The following ASTN2 variants were observed in gnomAD, a reference collection of about 807,000 sequenced individuals.
ASTN2 encodes the protein astrotactin-2.
A neutral mutation model predicts 139.8 loss-of-function variants in ASTN2; 54 were observed. The ratio of observed to expected loss-of-function variants is 0.39; its 90% CI spans 0.31 to 0.48. ASTN2 has a LOEUF of 0.48. ASTN2 is among the 20% of genes least tolerant of loss of function. The pLI, the probability that ASTN2 is intolerant of heterozygous loss-of-function variation, is 0.95. For synonymous variants in ASTN2, 756 were observed against 719.5 expected (o/e 1.05, Z -0.81); for missense variants, 1,565 against 1,725.1 (o/e 0.91, Z 1.64).
At chr9:116,759,405 A>G (rs1339587082) in intron 13 of ASTN2, among the ~76,000 whole-genome samples, 1 of 152,184 alleles carries the variant, frequency 6.6e-6, no homozygotes, top group Non-Finnish European at 1.5e-5. Flanking sequence ...TTCGCAATTT[A>G]CCTATGAGGG....
At chr9:117,263,151 C>T (rs191914547) in intron 2 of ASTN2, among the ~76,000 whole-genome samples, 22 of 152,132 alleles carry the variant, frequency 1.4e-4, no homozygotes, top group Non-Finnish European at 2.9e-4. Flanking sequence ...AATTATAGTT[C>T]GCCCAGATAC....
At chr9:117,238,794 G>A (rs1833121447) in intron 2 of ASTN2, among the ~76,000 whole-genome samples, 2 of 152,166 alleles carry the variant, frequency 1.3e-5, no homozygotes, top group Non-Finnish European at 2.9e-5. Context: ...AAGTTGGCTA[G>A]TAAGTGTGTG....
chr9:116,859,828 G>T (rs1440655317), intron 11 of ASTN2, among the ~76,000 whole-genome samples: 2 of 152,210 alleles, frequency 1.3e-5, no homozygotes, highest in Non-Finnish European at 2.9e-5. Flanking sequence ...TCCCCACTGT[G>T]AAAACAGCCA....
chr9:116,847,351 T>A (rs1320719115), intron 11 of ASTN2, among the ~76,000 whole-genome samples: 1 of 152,130 alleles, frequency 6.6e-6, no homozygotes, highest in Non-Finnish European at 1.5e-5. Context: ...CTTGACCTTG[T>A]GATCTACCCG....
intron 1 of ASTN2, among the ~76,000 whole-genome samples, chr9:117,348,830 C>T (rs1829303077): frequency 6.6e-6 from 1 of 150,604 alleles, no homozygotes; most frequent in Non-Finnish European, 1.5e-5. Context: ...TAACAGATCT[C>T]CTAATTCATT....
chr9:116,502,157 GTA>G (rs1491200385), intron 19 of ASTN2, among the ~76,000 whole-genome samples: 1 of 150,452 alleles, frequency 6.6e-6, no homozygotes, highest in Non-Finnish European at 1.5e-5. Flanking sequence ...GTGTGTGTGT[GTA>G]TGTGTATGCA....
chr9:116,713,095 G>T (rs1828214387), intron 16 of ASTN2, among the ~76,000 whole-genome samples: 1 of 152,192 alleles, frequency 6.6e-6, no homozygotes, highest in Middle Eastern at 3.4e-3. Flanking sequence ...AATCCTGTTT[G>T]AGTCCTAATA....
chr9:116,946,936 C>CAAAAAAAAAAAAAAAAAAAAAAAAA (rs3983292), intron 10 of ASTN2, among the ~76,000 whole-genome samples: 41 of 127,898 alleles, frequency 3.2e-4, no homozygotes, highest in African/African-American at 1.3e-3. Context: ...ACATTTTTGT[C>CAAAAAAAAAAAAAAAAAAAAAAAAA]AAAAAAAAAA....
intron 11 of ASTN2, among the ~76,000 whole-genome samples, chr9:116,832,004 T>A (rs1001052919): frequency 6.6e-6 from 1 of 152,206 alleles, no homozygotes; most frequent in African/African-American, 2.4e-5. Context: ...CAGATTTGCA[T>A]CTGAGTATTT....
At chr9:117,336,223 T>C (rs1828880052) in intron 1 of ASTN2, among the ~76,000 whole-genome samples, 1 of 152,142 alleles carries the variant, frequency 6.6e-6, no homozygotes, top group Admixed American at 6.5e-5. Context: ...ATGAGCACAC[T>C]GGTGCACAGC....
intron 6 of ASTN2, among the ~76,000 whole-genome samples, chr9:117,029,774 A>G (rs914242015): frequency 6.6e-6 from 1 of 152,024 alleles, no homozygotes. Flanking sequence ...TTAACTATCT[A>G]TCTTCCTTCT....
intron 13 of ASTN2, among the ~76,000 whole-genome samples, chr9:116,767,276 C>T (rs923718506): frequency 1.3e-5 from 2 of 152,158 alleles, no homozygotes; most frequent in African/African-American, 4.8e-5. Context: ...TAGGTACCCT[C>T]CACACAGGCT....
At chr9:116,511,294 C>T (rs1564330907) in intron 19 of ASTN2, among the ~76,000 whole-genome samples, 1 of 152,040 alleles carries the variant, frequency 6.6e-6, no homozygotes, top group Non-Finnish European at 1.5e-5. Context: ...TGTTTATATG[C>T]TGGATTATGT....
intron 2 of ASTN2, among the ~76,000 whole-genome samples, chr9:117,247,636 C>T (rs1051884822): frequency 8.5e-5 from 13 of 152,218 alleles, no homozygotes; most frequent in African/African-American, 2.9e-4. Context: ...CATCCAGCAC[C>T]AGCAGCTCCT....
At chr9:117,409,741 TCCTCCTGCTTCAG>T (rs904010214) in intron 1 of ASTN2, among the ~76,000 whole-genome samples, 1 of 152,184 alleles carries the variant, frequency 6.6e-6, no homozygotes, top group African/African-American at 2.4e-5. Flanking sequence ...GCATAAGTGA[TCCTCCTGCTTCAG>T]CCTCCCAAGT....
chr9:116,492,567 G>C (rs954099243), intron 19 of ASTN2, among the ~76,000 whole-genome samples: 1 of 152,110 alleles, frequency 6.6e-6, no homozygotes, highest in African/African-American at 2.4e-5. Flanking sequence ...TTGACTCCTG[G>C]AGTCTCGGAG....
intron 19 of ASTN2, among the ~76,000 whole-genome samples, chr9:116,581,590 C>A (rs1853955545): frequency 6.6e-6 from 1 of 152,168 alleles, no homozygotes; most frequent in Non-Finnish European, 1.5e-5. Context: ...TCCTCATATC[C>A]AATTGTCTTG....
chr9:116,448,186 T>C (rs1259530243), intron 20 of ASTN2, among the ~76,000 whole-genome samples: 6 of 152,036 alleles, frequency 3.9e-5, no homozygotes, highest in Non-Finnish European at 8.8e-5. Context: ...AACAGATGTT[T>C]CCAGGCCAGA....
At chr9:116,526,454 A>T (rs1851094253) in intron 19 of ASTN2, among the ~76,000 whole-genome samples, 1 of 151,970 alleles carries the variant, frequency 6.6e-6, no homozygotes, top group Non-Finnish European at 1.5e-5. Context: ...TCTACTAAAA[A>T]TACAAGAACA....
Sources: allele counts gnomAD v4.1 joint callset (sites outside exome capture counted in the v4.1 genomes callset), GRCh38; gene constraint gnomAD v4.1.1; transcripts MANE v1.5; gene names NCBI Gene and HGNC (gene_info 2026-07-23, HGNC 2026-07-21).